Variants in TMC1 observed in about 807,000 individuals in gnomAD.
TMC1 encodes transmembrane channel-like protein 1.
In TMC1, 84 loss-of-function variants were observed where a neutral mutation model predicts 105.8. The observed-to-expected ratio is 0.79, with a 90% CI of 0.67 to 0.95. TMC1 has a LOEUF of 0.95. Ranked by LOEUF, TMC1 falls within the 40% of genes least tolerant of loss-of-function variation. The probability of loss-of-function intolerance (pLI) is 0.00; values close to 1 mark genes in which losing one functional copy is unlikely to be tolerated. For missense variants in TMC1, 817 were observed against 914.1 expected (o/e 0.89, Z 1.37); for synonymous variants, 315 against 311.5 (o/e 1.01, Z -0.12).
At chr9:72,721,078 A>T (rs547363183) in intron 8 of TMC1, among the ~76,000 whole-genome samples, 1 of 152,240 alleles carries the variant, frequency 6.6e-6, no homozygotes, top group Admixed American at 6.5e-5. Context: ...ATGATGAAAG[A>T]AACCAGAATA....
At chr9:72,564,195 C>G (rs1824107889) in intron 1 of TMC1, among the ~76,000 whole-genome samples, 1 of 152,066 alleles carries the variant, frequency 6.6e-6, no homozygotes, top group South Asian at 2.1e-4. Context: ...AAAACTTCCC[C>G]TATATTTTTC....
intron 21 of TMC1, 61 bp from the exon 22 acceptor site, chr9:72,830,390 A>C: frequency 9.0e-7 from 1 of 1,116,398 alleles, no homozygotes; most frequent in East Asian, 2.4e-5. Flanking sequence ...ATGTAAATTT[A>C]AGAAGTATCT....
At chr9:72,742,409 T>C (rs376848757) in intron 9 of TMC1, 35 bp from the exon 10 acceptor site, 122 of 1,550,902 alleles carry the variant, frequency 7.9e-5, no homozygotes, top group Non-Finnish European at 1.0e-4. Flanking sequence ...AATCAAGAGG[T>C]TGGACTTTAC....
chr9:72,818,767 C>T (rs139273030), intron 19 of TMC1: 13 of 152,020 alleles, frequency 8.6e-5, no homozygotes, highest in African/African-American at 2.4e-4. Flanking sequence ...CTTAGTGAGC[C>T]GAGCTGATTA....
chr9:72,746,502 A>T (rs1439994433), intron 10 of TMC1, among the ~76,000 whole-genome samples: 2 of 152,196 alleles, frequency 1.3e-5, no homozygotes, highest in Non-Finnish European at 2.9e-5. Flanking sequence ...TTCCATTCCC[A>T]ACAGCCTTTC....
rs201945537 is a variant in TMC1, at chr9:72,830,522, T to G, written c.2201T>G (p.Met734Arg). ...KAANLDLKKK[M>R]KMQALENKMR... ...GCGAATCTGGATCTCAAAAAGAAGA[T>G]GAAAATGGTATGATACAATTTATTT... Residue 734 changes from methionine (M) to arginine (R), a missense_variant, in exon 22 of 24, where the codon ATG (methionine) becomes AGG (arginine). By Grantham distance (91) the Met-to-Arg change is moderately conservative. Coordinates refer to ENST00000297784, the MANE Select transcript of TMC1 (RefSeq NM_138691.3). 6 of 1,612,988 alleles carry G rather than the reference T, an allele frequency of 3.7e-6. No homozygotes were observed. The South Asian group carries it at 6.6e-5, about 18-fold the overall frequency.
chr9:72,604,134 C>A (rs1450912797), intron 2 of TMC1, among the ~76,000 whole-genome samples: 1 of 152,058 alleles, frequency 6.6e-6, no homozygotes, highest in African/African-American at 2.4e-5. Context: ...AGGCTATCAT[C>A]ACTTGGTGAT....
chr9:72,724,768 A>C (rs899262077), intron 8 of TMC1, among the ~76,000 whole-genome samples: 2 of 152,160 alleles, frequency 1.3e-5, no homozygotes, highest in Non-Finnish European at 1.5e-5. Flanking sequence ...CTGTCCCCTA[A>C]CAGTTTTTGA....
rs571650379 is a variant in TMC1 at position 72,740,374 on chromosome 9, A to T, written c.453+165A>T. Among the ~76,000 whole-genome samples, 4 of 152,294 alleles carry T rather than the reference A, an allele frequency of 2.6e-5. No homozygotes were observed. The East Asian group carries it at 7.7e-4, about 29-fold the overall frequency. On this transcript the variant is annotated intron_variant, in intron 9 of 23. Coordinates refer to ENST00000297784, the MANE Select transcript of TMC1 (RefSeq NM_138691.3). ...TGTGGTATTGAAATTTACAGGGGAG[A>T]TTTAAAAAATTGTTCTTAGAAGAGT...
chr9:72,773,446 A>G (rs1827962560), intron 13 of TMC1, among the ~76,000 whole-genome samples: 1 of 152,124 alleles, frequency 6.6e-6, no homozygotes, highest in Non-Finnish European at 1.5e-5. Flanking sequence ...TTGTGTCCTA[A>G]ACCTGCCTCA....
At position 72,694,647 on chromosome 9, in the gene TMC1, G is replaced by C. The variant is rs1826519799; in HGVS notation, c.169G>C (p.Glu57Gln). Residue 57 changes from glutamate (E) to glutamine (Q), a missense_variant, in exon 7 of 24, where the codon GAA becomes CAA. Glu to Gln is a conservative substitution (Grantham distance 29, BLOSUM62 2). Coordinates refer to ENST00000297784, the MANE Select transcript of TMC1 (RefSeq NM_138691.3). The part of the protein sequence containing the change: ...DVINEDDPEP[E>Q]PEDEETRKAR... Reference sequence around the variant, plus strand: ...TATCAATGAGGATGACCCAGAACCTGAACCAGAGGATGAAGAAACAAGGAA... The same window carrying C: ...TATCAATGAGGATGACCCAGAACCTCAACCAGAGGATGAAGAAACAAGGAA... 6.2e-7 allele frequency: 1 copy of C among 1,612,900 alleles called. No individual in the cohort carries two copies. The highest frequency in any genetic ancestry group is 8.5e-7 in the Non-Finnish European group (1 of 1,179,418).
At position 72,766,953 on chromosome 9, in the gene TMC1, G is replaced by C. The variant is rs570161213; in HGVS notation, c.742-5460G>C. On this transcript the variant is annotated intron_variant, in intron 12 of 23. Transcript: ENST00000297784. ...GGCCATGCGCTGCTGTCAGCATGCAGCTCACAAGGCCCGGGCTGGCTGCTG... is the reference window on the plus strand; with the variant it reads ...GGCCATGCGCTGCTGTCAGCATGCACCTCACAAGGCCCGGGCTGGCTGCTG... Among the ~76,000 whole-genome samples, 34 of 152,326 alleles carry C rather than the reference G, an allele frequency of 2.2e-4. No homozygotes were observed. The South Asian group carries it at 6.4e-3, about 29-fold the overall frequency.
chr9:72,664,443 C>T (rs920181537), intron 5 of TMC1, among the ~76,000 whole-genome samples: 8 of 152,192 alleles, frequency 5.3e-5, no homozygotes, highest in African/African-American at 1.9e-4. Context: ...ATAGGCATTC[C>T]TGTTTGTGCA....
intron 11 of TMC1, among the ~76,000 whole-genome samples, chr9:72,753,577 G>A (rs1827620157): frequency 1.3e-5 from 2 of 152,082 alleles, no homozygotes; most frequent in Non-Finnish European, 1.5e-5. Flanking sequence ...TCTGTCTTTG[G>A]ATACCCTTTT....
intron 5 of TMC1, among the ~76,000 whole-genome samples, chr9:72,687,259 C>T (rs1254740595): frequency 6.6e-6 from 1 of 152,150 alleles, no homozygotes; most frequent in Non-Finnish European, 1.5e-5. Flanking sequence ...TATTTGTCCT[C>T]AGCTGTTTCT....
chr9:72,605,967 G>C (rs985052310), intron 2 of TMC1, among the ~76,000 whole-genome samples: 4 of 152,158 alleles, frequency 2.6e-5, no homozygotes, highest in African/African-American at 9.7e-5. Context: ...GGGCCAAGCT[G>C]TATGGCTTCA....
intron 12 of TMC1, among the ~76,000 whole-genome samples, chr9:72,761,346 G>A (rs1429070737): frequency 6.6e-6 from 1 of 152,152 alleles, no homozygotes; most frequent in African/African-American, 2.4e-5. Context: ...TTTGGAAGGA[G>A]CTTCAGCTGA....
chr9:72,811,482 A>G (rs1024449973), intron 18 of TMC1, among the ~76,000 whole-genome samples: 1 of 152,192 alleles, frequency 6.6e-6, no homozygotes, highest in African/African-American at 2.4e-5. Context: ...AATTTAATAC[A>G]AAGTGTGCCC....
chr9:72,795,815 A>C (rs1828354601), intron 17 of TMC1, among the ~76,000 whole-genome samples: 1 of 152,104 alleles, frequency 6.6e-6, no homozygotes, highest in Non-Finnish European at 1.5e-5. Context: ...CTTGAATGTA[A>C]ATGGGCTAAA....
Sources: gnomAD v4.1 joint callset for allele counts (sites outside exome capture counted in the v4.1 genomes callset) on GRCh38, gnomAD v4.1.1 for gene constraint, MANE v1.5 for transcripts, NCBI Gene and HGNC (gene_info 2026-07-23, HGNC 2026-07-21) for gene names.